Variants in SHISA5 observed in about 807,000 individuals in gnomAD.
SHISA5 encodes protein shisa-5.
SHISA5 carries 21 observed loss-of-function variants against 27.5 expected under a neutral mutation model. The observed-to-expected ratio is 0.76, with a 90% CI of 0.54 to 1.10. The LOEUF is 1.10. SHISA5 is among the 50% of genes least tolerant of loss of function. The pLI is 0.00. For missense variants in SHISA5, 314 were observed against 336.3 expected (o/e 0.93, Z 0.52); for synonymous variants, 137 against 142.2 (o/e 0.96, Z 0.26).
Position 48,473,276 on chromosome 3 carries a change from AT to A in SHISA5, c.315-3434del. On this transcript the variant is annotated intron_variant, in intron 3 of 5. Transcript: ENST00000296444. This position sits in a 1 kb window ranked among gnomAD's most constrained non-coding sequence, Gnocchi z 4.3. ...GGAGGAGGGGAAGCAGAGGTGCCCC[AT>A]TTGCCTCCCAGAGCTGCCTCCCTGA... The A allele has an allele frequency of 7.1e-7, 1 of 1,401,514 alleles. No individual in the cohort carries two copies. The highest frequency in any genetic ancestry group is 9.3e-7 in the Non-Finnish European group (1 of 1,077,036). The allele number at this position is 1,401,514 out of a possible 1,614,324, so 86.8% of individuals were successfully genotyped here. A position where few individuals can be genotyped will look rare whatever the true frequency, so the allele number is the denominator to read the frequency against.
At position 48,475,965 on chromosome 3, in the gene SHISA5, T is replaced by G. The variant is rs1050195160; in HGVS notation, c.314+3212A>C. 6.6e-5 allele frequency among the ~76,000 whole-genome samples: 10 copies of G among 152,312 alleles called. No homozygotes were observed. The East Asian group carries it at 1.7e-3, about 26-fold the overall frequency. On this transcript the variant is annotated intron_variant, in intron 3 of 5. Coordinates refer to ENST00000296444, the MANE Select transcript of SHISA5 (RefSeq NM_016479.6). ...ATAACCCCTGCCATGGGTGGCATCCTCCTGCGGCAGGGGTTCTGGGCCAGG... is the reference window on the plus strand; with the variant it reads ...ATAACCCCTGCCATGGGTGGCATCCGCCTGCGGCAGGGGTTCTGGGCCAGG...
intron 1 of SHISA5, among the ~76,000 whole-genome samples, chr3:48,503,521 A>G (rs1262654469): frequency 6.6e-6 from 1 of 152,156 alleles, no homozygotes; most frequent in African/African-American, 2.4e-5. Context: ...TGAATCACCT[A>G]TCTGCAACCA....
intron 2 of SHISA5, among the ~76,000 whole-genome samples, chr3:48,492,275 C>A (rs367986034): frequency 6.6e-6 from 1 of 150,888 alleles, no homozygotes; most frequent in Non-Finnish European, 1.5e-5. Flanking sequence ...TCAAGACCAT[C>A]CTGGCAAACA....
Position 48,469,433 on chromosome 3 carries a change from A to G in SHISA5, c.571T>C (p.Tyr191His), listed in dbSNP as rs770988522. Residue 191 changes from tyrosine to histidine, a missense_variant, in exon 5 of 6, where the codon TAC becomes CAC. Tyr to His is a moderately conservative substitution (Grantham distance 83). Transcript: ENST00000296444. The surrounding 1 kb of genome is among the most constrained non-coding windows in gnomAD (Gnocchi z 4.6). ...PPQPGMPAAP[Y>H]PMQYPPPYPA... ...TAAGGTGGTGGGTACTGCATTGGGT[A>G]GGGTGCTGCTGGCATCCCTGGCTGA... 18 of 1,613,000 alleles carry G rather than the reference A, an allele frequency of 1.1e-5. No individual in the cohort carries two copies. Among genetic ancestry groups the G allele is most frequent in the Non-Finnish European group, 1.5e-5 (18 of 1,179,518 alleles).
intron 1 of SHISA5, among the ~76,000 whole-genome samples, chr3:48,501,863 T>TC (rs973160939): frequency 2.1e-4 from 31 of 147,650 alleles, no homozygotes; most frequent in African/African-American, 7.3e-4. Context: ...TTTCTTTCTT[T>TC]TTTTTTTTTT....
intron 2 of SHISA5, among the ~76,000 whole-genome samples, chr3:48,488,075 A>T (rs2041304471): frequency 6.6e-6 from 1 of 152,196 alleles, no homozygotes; most frequent in Admixed American, 6.5e-5. Context: ...AAATTATCAG[A>T]CACTGACATT....
chr3:48,480,028 C>G (rs747189783), intron 2 of SHISA5, among the ~76,000 whole-genome samples: 6 of 152,044 alleles, frequency 3.9e-5, no homozygotes, highest in Non-Finnish European at 8.8e-5. Flanking sequence ...CTCAGCCTCC[C>G]GAGTAGCTGG....
At chr3:48,477,497 G>A (rs115098803) in intron 3 of SHISA5, among the ~76,000 whole-genome samples, 2,890 of 152,212 alleles carry the variant, frequency 0.019, 56 homozygotes, top group Middle Eastern at 0.061. Flanking sequence ...CTGAACTCCC[G>A]GCCTACAGCG....
chr3:48,479,256 C>A lies in SHISA5; in HGVS notation c.235G>T (p.Val79Leu), dbSNP rs754403377. The change falls in exon 3 of 6, where the codon GTG (valine) becomes TTG (leucine). Residue 79 changes from valine (V) to leucine (L), a missense_variant and splice_region_variant. Transcript: ENST00000296444. ...EERCAVPEASVPASVEPVEQL... is the reference protein window; with the variant it reads ...EERCAVPEASLPASVEPVEQL... ...TCCACCGGCTCTACACTGGCAGGCA[C>A]GCTGCAAACAGGAAACCTTGTGATT... is the stretch of plus-strand genomic sequence containing the variant. 1 of 1,605,810 alleles carries A rather than the reference C, an allele frequency of 6.2e-7. No individual in the cohort carries two copies. The highest frequency in any genetic ancestry group is 8.5e-7 in the Non-Finnish European group (1 of 1,178,302).
At chr3:48,474,392 A>G (rs916568745) in intron 3 of SHISA5, among the ~76,000 whole-genome samples, 1 of 150,736 alleles carries the variant, frequency 6.6e-6, no homozygotes, top group Non-Finnish European at 1.5e-5. Context: ...CTGGAGTGCA[A>G]TGGTGCAATC....
At chr3:48,478,224 T>C (rs1318254094) in intron 3 of SHISA5, among the ~76,000 whole-genome samples, 1 of 152,142 alleles carries the variant, frequency 6.6e-6, no homozygotes, top group Admixed American at 6.6e-5. Flanking sequence ...CAACCAGCCC[T>C]GAGGTGTTGA....
rs1575306415 is a variant in SHISA5 at position 48,473,530 on chromosome 3, A to T, written c.315-3687T>A. ...TGGCTGACACACATGCAAGGAGCAA[A>T]GTCCAGCCTGTCCCTTTAGCTCCTC... On this transcript the variant is annotated intron_variant, in intron 3 of 5. Transcript: ENST00000296444. The surrounding 1 kb of genome is among the most constrained non-coding windows in gnomAD (Gnocchi z 4.3). 1.6e-6 allele frequency: 2 copies of T among 1,287,814 alleles called. No individual in the cohort carries two copies. The highest frequency in any genetic ancestry group is 2.0e-6 in the Non-Finnish European group (2 of 988,050). The allele number at this position is 1,287,814 out of a possible 1,614,324, so 79.8% of individuals were successfully genotyped here.
chr3:48,469,420 T>A lies in SHISA5; in HGVS notation c.584A>T (p.Tyr195Phe). 6.2e-7 allele frequency: 1 copy of A among 1,611,800 alleles called. No homozygotes were observed. The highest frequency in any genetic ancestry group is 1.7e-4 in the Middle Eastern group (1 of 6,022). Residue 195 changes from tyrosine (Y) to phenylalanine (F), a missense_variant, in exon 5 of 6, where the codon TAC becomes TTC. By Grantham distance (22) the Tyr-to-Phe change is conservative (BLOSUM62 3). Transcript: ENST00000296444. The surrounding 1 kb of genome is among the most constrained non-coding windows in gnomAD (Gnocchi z 4.6). ...GMPAAPYPMQ[Y>F]PPPYPAQPMG... ...GGGCTGGGCTGGGTAAGGTGGTGGG[T>A]ACTGCATTGGGTAGGGTGCTGCTGG...
chr3:48,503,277 C>T (rs1168599986), intron 1 of SHISA5: 2 of 832,912 alleles, frequency 2.4e-6, no homozygotes, highest in East Asian at 6.3e-5. Flanking sequence ...AATCAGTGAC[C>T]GACCCTCCTA....
Position 48,473,225 on chromosome 3 carries a change from C to G in SHISA5, c.315-3382G>C. ...GCCCCGCCCAGCAGCCGGCTAGCAGCCAAGGAGCCAAGGGGCGGGGGCCGG... is the reference window on the plus strand; with the variant it reads ...GCCCCGCCCAGCAGCCGGCTAGCAGGCAAGGAGCCAAGGGGCGGGGGCCGG... On this transcript the variant is annotated intron_variant, in intron 3 of 5. Transcript: ENST00000296444. This position sits in a 1 kb window ranked among gnomAD's most constrained non-coding sequence, Gnocchi z 4.3. The G allele has an allele frequency of 2.1e-6, 3 of 1,427,370 alleles. No individual in the cohort carries two copies. The highest frequency in any genetic ancestry group is 3.0e-5 in the South Asian group (2 of 67,318). 88.4% of individuals were successfully genotyped at this position (1,427,370 alleles called of 1,614,324 possible).
At chr3:48,478,135 C>A (rs1315120382) in intron 3 of SHISA5, among the ~76,000 whole-genome samples, 1 of 152,252 alleles carries the variant, frequency 6.6e-6, no homozygotes, top group Non-Finnish European at 1.5e-5. Flanking sequence ...TGAAAGCCCA[C>A]AATCCTGGGC....
At chr3:48,501,021 G>A in intron 2 of SHISA5, 116 bp downstream of exon 2, 1 of 1,207,002 alleles carries the variant, frequency 8.3e-7, no homozygotes, top group Non-Finnish European at 1.1e-6. Flanking sequence ...CCAATGCTCT[G>A]GCCACCATCT....
At position 48,473,415 on chromosome 3, in the gene SHISA5, C is replaced by T; in HGVS notation, c.315-3572G>A. Reference sequence around the variant, plus strand: ...CTCTAGCTCAGCAGCACCCCCACCCCCACTTCCACCTAACCCACCGGCCCT... The same window carrying T: ...CTCTAGCTCAGCAGCACCCCCACCCTCACTTCCACCTAACCCACCGGCCCT... On this transcript the variant is annotated intron_variant, in intron 3 of 5. Transcript: ENST00000296444. The surrounding 1 kb of genome is among the most constrained non-coding windows in gnomAD (Gnocchi z 4.3). 1 of 1,310,778 alleles carries T rather than the reference C, an allele frequency of 7.6e-7. No homozygotes were observed. Among genetic ancestry groups the T allele is most frequent in the Non-Finnish European group, 1.0e-6 (1 of 1,003,218 alleles). The allele number at this position is 1,310,778 out of a possible 1,614,324, so 81.2% of individuals were successfully genotyped here.
In SHISA5 at chr3:48,468,684, A is replaced by G. The variant is rs1294818173; in HGVS notation, c.*423T>C. 1.1e-5 allele frequency: 14 copies of G among 1,237,724 alleles called. No individual in the cohort carries two copies. Among genetic ancestry groups the G allele is most frequent in the Non-Finnish European group, 1.2e-5 (12 of 967,232 alleles). 76.7% of individuals were successfully genotyped at this position (1,237,724 alleles called of 1,614,324 possible). ...CTGGCTACGCTGCCGAAACCAGGAC[A>G]CATCTGCATCACACAGAAAGCTGCG... On this transcript the variant is annotated 3_prime_UTR_variant, in exon 6 of 6. Transcript: ENST00000296444.
Sources: gnomAD v4.1 joint callset for allele counts (sites outside exome capture counted in the v4.1 genomes callset) on GRCh38, gnomAD v4.1.1 for gene constraint, Gnocchi (gnomAD v3.1) non-coding constraint, MANE v1.5 for transcripts, NCBI Gene and HGNC (gene_info 2026-07-23, HGNC 2026-07-21) for gene names.